LDB2: variants seen among roughly 807,000 people sequenced by gnomAD.
The protein encoded by LDB2 is LIM domain binding 2.
Under a neutral mutation model 44.3 loss-of-function variants are expected in LDB2, and 12 were observed. The observed-to-expected ratio is 0.27, with a 90% CI of 0.17 to 0.44. The LOEUF (loss-of-function observed/expected upper bound fraction) is 0.44. Among genes scored for constraint, LDB2 ranks in the 20% least tolerant of loss-of-function variants. LDB2 has a pLI of 1.00. For missense variants in LDB2, 344 were observed against 473.5 expected (o/e 0.73, Z 2.54); for synonymous variants, 164 against 174.8 (o/e 0.94, Z 0.49).
At chr4:16,508,435 ATT>A (rs373952474) in intron 7 of LDB2, 98 bp downstream of exon 7, 1,049 of 835,704 alleles carry the variant, frequency 1.3e-3, no homozygotes, top group South Asian at 1.7e-3. Context: ...CCTGCCCAGG[ATT>A]TTTTTTTTTT....
At chr4:16,581,609 C>T (rs559029574) in intron 5 of LDB2, among the ~76,000 whole-genome samples, 4 of 152,280 alleles carry the variant, frequency 2.6e-5, no homozygotes, top group South Asian at 4.1e-4. Context: ...CAGTGACCCT[C>T]TCTTTGGACT....
At chr4:16,573,328 A>G (rs576092374) in intron 5 of LDB2, among the ~76,000 whole-genome samples, 2 of 152,184 alleles carry the variant, frequency 1.3e-5, no homozygotes, top group South Asian at 4.2e-4. Flanking sequence ...GTCCTTTCCA[A>G]ACTGCCTGTG....
chr4:16,749,091 T>A lies in LDB2; in HGVS notation c.235+10067A>T, dbSNP rs540564623. On this transcript the variant is annotated intron_variant, in intron 2 of 7. Transcript: ENST00000304523. ...CCCAGTAAGATGCATTCAATAAGATTCAAGTACCCAGTTAACCATTGCTGA... is the reference window on the plus strand; with the variant it reads ...CCCAGTAAGATGCATTCAATAAGATACAAGTACCCAGTTAACCATTGCTGA... Among the ~76,000 whole-genome samples the A allele has an allele frequency of 3.9e-5, 6 of 152,268 alleles. No individual in the cohort carries two copies. The East Asian group carries it at 1.2e-3, about 29-fold the overall frequency.
intron 5 of LDB2, among the ~76,000 whole-genome samples, chr4:16,560,245 C>CA (rs1741527172): frequency 6.6e-6 from 1 of 151,808 alleles, no homozygotes; most frequent in African/African-American, 2.4e-5. Flanking sequence ...ATAGTGACAC[C>CA]AAAAACCCTT....
intron 2 of LDB2, among the ~76,000 whole-genome samples, chr4:16,605,866 C>G (rs1723789523): frequency 6.6e-6 from 1 of 152,158 alleles, no homozygotes; most frequent in South Asian, 2.1e-4. Flanking sequence ...TCCTAAGTTA[C>G]CACCAGGAGG....
intron 1 of LDB2, among the ~76,000 whole-genome samples, chr4:16,838,057 GGC>G (rs1785200569): frequency 6.6e-6 from 1 of 152,190 alleles, no homozygotes; most frequent in South Asian, 2.1e-4. Context: ...TAAGGCTTTT[GGC>G]AGTCGTGAAA....
chr4:16,715,936 G>A (rs757607918), intron 2 of LDB2, among the ~76,000 whole-genome samples: 6 of 152,100 alleles, frequency 3.9e-5, no homozygotes, highest in South Asian at 2.1e-4. Context: ...AGAGTTTATA[G>A]CTGGGTCCCT....
intron 1 of LDB2, among the ~76,000 whole-genome samples, chr4:16,819,434 C>T (rs1781545763): frequency 7.0e-6 from 1 of 142,536 alleles, no homozygotes; most frequent in Admixed American, 7.3e-5. Flanking sequence ...AAGAACCCTC[C>T]CTGAACCTCA....
chr4:16,844,248 CAAAAAAAAAAAAA>C (rs34034796), intron 1 of LDB2, among the ~76,000 whole-genome samples: 4 of 30,060 alleles, frequency 1.3e-4, no homozygotes, highest in Non-Finnish European at 1.7e-4. Context: ...ACCCTGTCTC[CAAAAAAAAAAAAA>C]AAAAAAAAAA....
intron 5 of LDB2, among the ~76,000 whole-genome samples, chr4:16,534,063 A>T (rs1322335788): frequency 6.6e-6 from 1 of 152,152 alleles, no homozygotes; most frequent in Non-Finnish European, 1.5e-5. Flanking sequence ...CTCAAGGTAA[A>T]TGATCATAAA....
rs562184189 is a variant in LDB2, at chr4:16,821,746, C to CAAAAAAAAAAAAA, written c.133-62499_133-62487dup. ...AATGGAAACCATTCCAACATTAAAG[C>CAAAAAAAAAAAAA]AAAAAAAAAAAAAAAAAAAAAAAAT... On this transcript the variant is annotated intron_variant, in intron 1 of 7. Coordinates refer to ENST00000304523, the MANE Select transcript of LDB2 (RefSeq NM_001290.5). Among the ~76,000 whole-genome samples, 156 of 61,720 alleles carry CAAAAAAAAAAAAA rather than the reference C, an allele frequency of 2.5e-3. 16 individuals are homozygous for CAAAAAAAAAAAAA. The highest frequency in any genetic ancestry group is 4.5e-3 in the African/African-American group (71 of 15,772). 40.5% of individuals were successfully genotyped at this position (61,720 alleles called of 152,430 possible). A position where few individuals can be genotyped will look rare whatever the true frequency, so the allele number is the denominator to read the frequency against.
At chr4:16,692,043 T>A (rs1428336441) in intron 2 of LDB2, among the ~76,000 whole-genome samples, 6 of 152,100 alleles carry the variant, frequency 3.9e-5, no homozygotes, top group African/African-American at 1.4e-4. Flanking sequence ...ATTGGTGACA[T>A]CCTGAGAACC....
intron 1 of LDB2, among the ~76,000 whole-genome samples, chr4:16,897,140 T>C (rs1725246272): frequency 1.3e-5 from 2 of 152,226 alleles, no homozygotes; most frequent in Admixed American, 1.3e-4. Flanking sequence ...CGAAACGTCA[T>C]GAATTCTCTA....
At chr4:16,880,093 C>T (rs908990493) in intron 1 of LDB2, among the ~76,000 whole-genome samples, 2 of 152,136 alleles carry the variant, frequency 1.3e-5, no homozygotes, top group Admixed American at 1.3e-4. Flanking sequence ...CCAAATCCTA[C>T]AATCCCTTAT....
At chr4:16,805,548 G>C (rs1019241450) in intron 1 of LDB2, among the ~76,000 whole-genome samples, 7 of 152,174 alleles carry the variant, frequency 4.6e-5, no homozygotes, top group African/African-American at 1.2e-4. Flanking sequence ...TTCTTGATTG[G>C]AGTAGAGAGA....
chr4:16,522,193 AG>A (rs1229191211), intron 5 of LDB2, among the ~76,000 whole-genome samples: 2 of 152,146 alleles, frequency 1.3e-5, no homozygotes, highest in Non-Finnish European at 2.9e-5. Context: ...AGAGGGGGGC[AG>A]GGGTTTCACA....
intron 2 of LDB2, among the ~76,000 whole-genome samples, chr4:16,616,429 A>G: frequency 6.6e-6 from 1 of 152,106 alleles, no homozygotes; most frequent in Non-Finnish European, 1.5e-5. Flanking sequence ...ATGAATGGAA[A>G]GAAGGAAAGA....
At chr4:16,740,311 T>C (rs767981319) in intron 2 of LDB2, among the ~76,000 whole-genome samples, 5 of 152,240 alleles carry the variant, frequency 3.3e-5, no homozygotes, top group Admixed American at 1.3e-4. Flanking sequence ...CTTTTGTCTT[T>C]TTGCATTCAG....
At chr4:16,612,708 T>C (rs753586033) in intron 2 of LDB2, among the ~76,000 whole-genome samples, 7 of 152,142 alleles carry the variant, frequency 4.6e-5, no homozygotes, top group Non-Finnish European at 7.4e-5. Context: ...TAGGCAGTAA[T>C]TAATAGCCTA....
Sources: allele counts gnomAD v4.1 joint callset (sites outside exome capture counted in the v4.1 genomes callset), GRCh38; gene constraint gnomAD v4.1.1; transcripts MANE v1.5; gene names NCBI Gene and HGNC (gene_info 2026-07-23, HGNC 2026-07-21).